AP1G1: variants seen among roughly 807,000 people sequenced by gnomAD.
AP1G1 encodes the protein adaptor related protein complex 1 subunit gamma 1, also known as AP-1 complex subunit gamma-1.
Under a neutral mutation model 108.3 loss-of-function variants are expected in AP1G1, and 7 were observed. The ratio of observed to expected loss-of-function variants is 0.06; its 90% CI spans 0.04 to 0.12. The LOEUF (loss-of-function observed/expected upper bound fraction) is 0.12, where lower values mean the gene tolerates loss of function less well. Among genes scored for constraint, AP1G1 ranks in the 10% least tolerant of loss-of-function variants. AP1G1 has a pLI of 1.00. For missense variants in AP1G1, 756 were observed against 1,010.7 expected, an observed-to-expected ratio of 0.75 and a Z score of 3.42; for synonymous variants, 379 against 353.5, an observed-to-expected ratio of 1.07 and a Z score of -0.81.
At chr16:71,741,215 G>A (rs2045616262) in intron 19 of AP1G1, among the ~76,000 whole-genome samples, 1 of 152,120 alleles carries the variant, frequency 6.6e-6, no homozygotes, top group South Asian at 2.1e-4. Flanking sequence ...ATAAAGGAAG[G>A]CTAGAATATC....
chr16:71,731,189 A>G lies in AP1G1; in HGVS notation c.*1869T>C, dbSNP rs182787875. 1.3e-5 allele frequency: 2 copies of G among 152,598 alleles called. No individual in the cohort carries two copies. The highest frequency in any genetic ancestry group is 3.9e-4 in the East Asian group (2 of 5,182). 9.5% of individuals were successfully genotyped at this position (152,598 alleles called of 1,614,324 possible). Reference sequence around the variant, plus strand: ...GAAATATGCACTAGTCCACACTTACATTACTGAAAACTATGCAGGAGATAT... The same window carrying G: ...GAAATATGCACTAGTCCACACTTACGTTACTGAAAACTATGCAGGAGATAT... On this transcript the variant is annotated 3_prime_UTR_variant, in exon 23 of 23. Transcript: ENST00000299980.
At position 71,748,335 on chromosome 16, in the gene AP1G1, A is replaced by G. The variant is rs778884765; in HGVS notation, c.1541T>C (p.Ile514Thr). The G allele has an allele frequency of 6.2e-7, 1 of 1,613,722 alleles. No homozygotes were observed. The highest frequency in any genetic ancestry group is 8.5e-7 in the Non-Finnish European group (1 of 1,179,782). Residue 514 changes from isoleucine (I) to threonine (T), a missense_variant, in exon 16 of 23, where the codon ATC becomes ACC. Ile to Thr is a moderately conservative substitution (Grantham distance 89, BLOSUM62 -1). Transcript: ENST00000299980. ...EVLDILESVL[I>T]SNMSTSVTRG... is the part of the protein sequence containing the mutation. ...TGTCACAGAGGTGGACATATTAGAG[A>G]TTAGGACACTTTCTAAAATATCCAA...
chr16:71,807,662 T>C (rs1222643671), intron 1 of AP1G1: 1 of 505,222 alleles, frequency 2.0e-6, no homozygotes, highest in African/African-American at 2.0e-5. Context: ...CATGAAATCA[T>C]TACAAGTATT....
intron 2 of AP1G1, among the ~76,000 whole-genome samples, chr16:71,780,378 A>G (rs1433162062): frequency 2.6e-5 from 4 of 151,960 alleles, no homozygotes; most frequent in Non-Finnish European, 5.9e-5. Context: ...TGTAGTCTCA[A>G]CTACTCAGGA....
chr16:71,779,495 C>T (rs542208559), intron 2 of AP1G1, among the ~76,000 whole-genome samples: 1 of 152,090 alleles, frequency 6.6e-6, no homozygotes, highest in South Asian at 2.1e-4. Flanking sequence ...TGCGTGCCAC[C>T]AACCCCAGCT....
intron 11 of AP1G1, among the ~76,000 whole-genome samples, chr16:71,757,700 T>C (rs1396143800): frequency 1.3e-5 from 2 of 152,202 alleles, no homozygotes; most frequent in Non-Finnish European, 2.9e-5. Context: ...GAAAATGAAA[T>C]GAGGCAGTCT....
rs141140724 is a variant in AP1G1, at chr16:71,745,568, T to C, written c.1777A>G (p.Asn593Asp). ...GTCTGCACAATCTCAGTAGGGCCAT[T>C]TGTGGTCACTTTTTCCATGACAGGC... is the stretch of plus-strand genomic sequence containing the variant. ...RMPVMEKVTT[N>D]GPTEIVQTNG... is the part of the protein sequence containing the mutation. Residue 593 changes from asparagine to aspartate, a missense_variant, in exon 18 of 23, where the codon AAT (asparagine) becomes GAT (aspartate). By Grantham distance (23) the Asn-to-Asp change is conservative. Transcript: ENST00000299980. The C allele has an allele frequency of 1.3e-5, 21 of 1,614,074 alleles. No homozygotes were observed. The highest frequency in any genetic ancestry group is 2.7e-5 in the African/African-American group (2 of 74,922).
intron 2 of AP1G1, among the ~76,000 whole-genome samples, chr16:71,781,045 T>G (rs1026406378): frequency 6.6e-6 from 1 of 152,220 alleles, no homozygotes; most frequent in East Asian, 1.9e-4. Context: ...CTTGAATTCC[T>G]GTCCTCAAAC....
intron 19 of AP1G1, 102 bp downstream of exon 19, chr16:71,745,042 C>G (rs2030099038): frequency 1.5e-6 from 2 of 1,310,060 alleles, no homozygotes; most frequent in Non-Finnish European, 1.1e-6. Flanking sequence ...TAGCCTCTCC[C>G]ATCTTCAAAT....
At chr16:71,737,281 CCTTT>C (rs909690197) in intron 21 of AP1G1, among the ~76,000 whole-genome samples, 4 of 152,044 alleles carry the variant, frequency 2.6e-5, no homozygotes, top group Non-Finnish European at 5.9e-5. Context: ...CTACTGCTCC[CCTTT>C]TTTTTCTTCT....
At chr16:71,752,334 A>C (rs757262720) in intron 13 of AP1G1, among the ~76,000 whole-genome samples, 1 of 152,176 alleles carries the variant, frequency 6.6e-6, no homozygotes, top group African/African-American at 2.4e-5. Context: ...TCCCCTTGCT[A>C]ATCAAATTTA....
At chr16:71,785,689 G>A (rs779999681) in intron 2 of AP1G1, among the ~76,000 whole-genome samples, 5 of 151,606 alleles carry the variant, frequency 3.3e-5, no homozygotes, top group Non-Finnish European at 5.9e-5. Flanking sequence ...AGACCACCCT[G>A]GCTAACACAG....
chr16:71,787,721 A>C (rs533664819), intron 2 of AP1G1, among the ~76,000 whole-genome samples: 140 of 152,328 alleles, frequency 9.2e-4, no homozygotes, highest in Non-Finnish European at 1.5e-3. Context: ...ACTATGACAC[A>C]CAGTATATGG....
Position 71,729,016 on chromosome 16 carries a change from ATTGAC to A in AP1G1, c.*4037_*4041del, listed in dbSNP as rs1567635408. ...GGAAGCAAATTTTAAATCATTGGGT[ATTGAC>A]TTTTTATTATTAGTCACTGTTCATA... On this transcript the variant is annotated 3_prime_UTR_variant, in exon 23 of 23. Transcript: ENST00000299980. The A allele has an allele frequency of 6.6e-6, 1 of 152,604 alleles. No homozygotes were observed. The highest frequency in any genetic ancestry group is 1.5e-5 in the Non-Finnish European group (1 of 68,042). 9.5% of individuals were successfully genotyped at this position (152,604 alleles called of 1,614,324 possible).
At chr16:71,750,404 T>C in intron 13 of AP1G1, 72 bp from the exon 14 acceptor site, 1 of 1,561,976 alleles carries the variant, frequency 6.4e-7, no homozygotes, top group Non-Finnish European at 8.7e-7. Flanking sequence ...GCTATTATTA[T>C]TACTGTGTGT....
chr16:71,771,282 G>C, intron 4 of AP1G1, 30 bp from the exon 5 acceptor site: 1 of 1,369,320 alleles, frequency 7.3e-7, no homozygotes, highest in Non-Finnish European at 9.9e-7. Context: ...AGAACAAAAG[G>C]TTTATTTCAA....
chr16:71,800,705 G>A lies in AP1G1; in HGVS notation c.-4+8058C>T, dbSNP rs555249594. ...AGTCCCAGCTACTCGGGAGGCTGAC[G>A]CAGGAGAATGGCGTGAACCTGGGAG... On this transcript the variant is annotated intron_variant, in intron 1 of 22. Transcript: ENST00000299980. 1.5e-4 allele frequency among the ~76,000 whole-genome samples: 23 copies of A among 152,160 alleles called. No individual in the cohort carries two copies. The South Asian group carries it at 3.5e-3, about 23-fold the overall frequency.
In AP1G1 at chr16:71,769,610, G is replaced by C. The variant is rs1437310395; in HGVS notation, c.642+13C>G. 1.2e-6 allele frequency: 2 copies of C among 1,608,284 alleles called. No individual in the cohort carries two copies. Among genetic ancestry groups the C allele is most frequent in the East Asian group, 4.5e-5 (2 of 44,806 alleles). On this transcript the variant is annotated intron_variant, in intron 6 of 22. Coordinates refer to ENST00000299980, the MANE Select transcript of AP1G1 (RefSeq NM_001128.6). ...CAATCAAGAAAGGCTTAGGCATACA[G>C]AATGGCACCTACCTTTCTGAAATGC...
At chr16:71,736,526 G>A (rs144730786) in intron 21 of AP1G1, among the ~76,000 whole-genome samples, 8,101 of 148,232 alleles carry the variant, frequency 0.055, 747 homozygotes, top group African/African-American at 0.19. Context: ...GACTACAGGC[G>A]CCCGCCACCA....
Sources: gnomAD v4.1 joint callset for allele counts (sites outside exome capture counted in the v4.1 genomes callset) on GRCh38, gnomAD v4.1.1 for gene constraint, MANE v1.5 for transcripts, NCBI Gene and HGNC (gene_info 2026-07-23, HGNC 2026-07-21) for gene names.